The following MYH14 variants were observed in gnomAD, a reference collection of about 807,000 sequenced individuals.
The protein encoded by MYH14 is myosin heavy chain 14.
MYH14 carries 123 observed loss-of-function variants against 255.5 expected under a neutral mutation model. The ratio of observed to expected loss-of-function variants is 0.48; its 90% CI spans 0.42 to 0.56. MYH14 has a LOEUF of 0.56. Ranked by LOEUF, MYH14 falls within the 20% of genes least tolerant of loss-of-function variation. The probability of loss-of-function intolerance (pLI) is 0.00; values close to 1 mark genes in which losing one functional copy is unlikely to be tolerated. For synonymous variants in MYH14, 1,095 were observed against 1,161.2 expected, an observed-to-expected ratio of 0.94 and a Z score of 1.16; for missense variants, 2,423 against 2,802.3, an observed-to-expected ratio of 0.86 and a Z score of 3.06.
chr19:50,300,641 C>G (rs1055019342), intron 39 of MYH14, among the ~76,000 whole-genome samples: 2 of 140,576 alleles, frequency 1.4e-5, no homozygotes, highest in Admixed American at 7.7e-5. Context: ...TCCAGCTACT[C>G]AAGAGGCTGA....
intron 10 of MYH14, among the ~76,000 whole-genome samples, chr19:50,242,066 G>A (rs948666544): frequency 6.6e-6 from 1 of 152,194 alleles, no homozygotes; most frequent in Non-Finnish European, 1.5e-5. Flanking sequence ...GGACGCAAAT[G>A]TCCAGGGGGC....
intron 3 of MYH14, among the ~76,000 whole-genome samples, chr19:50,218,712 G>A (rs4802669): frequency 0.24 from 36,422 of 151,796 alleles, 5,068 homozygotes; most frequent in South Asian, 0.39. Flanking sequence ...ACTTGCCATC[G>A]GAGCAGTGTA....
intron 27 of MYH14, among the ~76,000 whole-genome samples, chr19:50,274,152 G>A (rs1486276488): frequency 1.3e-5 from 2 of 152,130 alleles, no homozygotes; most frequent in African/African-American, 4.8e-5. Flanking sequence ...GGATGTTTCT[G>A]TTACTACTTT....
chr19:50,293,632 A>G lies in MYH14; in HGVS notation c.5414A>G (p.Glu1805Gly). 1 of 1,612,552 alleles carries G rather than the reference A, an allele frequency of 6.2e-7. No individual in the cohort carries two copies. Among genetic ancestry groups the G allele is most frequent in the Non-Finnish European group, 8.5e-7 (1 of 1,179,254 alleles). The change falls in exon 39 of 43, where the codon GAG becomes GGG. Residue 1805 changes from glutamate (E) to glycine (G), a missense_variant. Physicochemically the swap from Glu to Gly is moderately conservative, Grantham distance 98 (BLOSUM62 -2). Transcript: ENST00000642316. The surrounding 1 kb of genome is among the most constrained non-coding windows in gnomAD (Gnocchi z 4.1). ...GGGCAGTTGGAGGAAGAGCTGGAGG[A>G]GGAGCAGAGCAACTCGGAGCTGCTC... The part of the protein sequence containing the change: ...RLGQLEEELE[E>G]EQSNSELLND...
chr19:50,225,314 A>C (rs1022030846), intron 6 of MYH14, among the ~76,000 whole-genome samples: 5 of 152,184 alleles, frequency 3.3e-5, no homozygotes, highest in Non-Finnish European at 7.3e-5. Flanking sequence ...TAATGGGATA[A>C]CATTGTAGAC....
chr19:50,280,255 G>A lies in MYH14; in HGVS notation c.4162G>A (p.Ala1388Thr). Residue 1388 changes from alanine (A) to threonine (T), a missense_variant, in exon 32 of 43, where the codon GCG becomes ACG. Coordinates refer to ENST00000642316, the MANE Select transcript of MYH14 (RefSeq NM_001145809.2). The surrounding 1 kb of genome is among the most constrained non-coding windows in gnomAD (Gnocchi z 4.8). ...AQELLQEETRAKLALGSRVRA... is the reference protein window; with the variant it reads ...AQELLQEETRTKLALGSRVRA... ...GGAGCTGCTGCAGGAGGAGACCAGG[G>A]CGAAATTGGCCTTGGGGTCCCGGGT... 1.3e-6 allele frequency: 2 copies of A among 1,551,752 alleles called. No homozygotes were observed. Among genetic ancestry groups the A allele is most frequent in the Admixed American group, 2.0e-5 (1 of 50,996 alleles).
chr19:50,268,644 G>A (rs1413820945), intron 24 of MYH14, among the ~76,000 whole-genome samples: 1 of 152,192 alleles, frequency 6.6e-6, no homozygotes, highest in Non-Finnish European at 1.5e-5. Flanking sequence ...CTTCAGGCAT[G>A]GCTGGATGCA....
At chr19:50,224,335 G>A (rs1418817605) in intron 6 of MYH14, among the ~76,000 whole-genome samples, 158 bp downstream of exon 6, 2 of 152,200 alleles carry the variant, frequency 1.3e-5, no homozygotes, top group African/African-American at 2.4e-5. Context: ...GCCCTGCTGT[G>A]TGAGTGTGTG....
chr19:50,281,502 A>G, intron 32 of MYH14, 92 bp from the exon 33 acceptor site: 1 of 1,502,186 alleles, frequency 6.7e-7, no homozygotes, highest in Non-Finnish European at 8.9e-7. Flanking sequence ...TTCAGGCCTC[A>G]GTCTCTTCAT....
intron 23 of MYH14, 53 bp downstream of exon 23, chr19:50,267,061 C>A: frequency 1.3e-6 from 2 of 1,481,678 alleles, no homozygotes; most frequent in South Asian, 2.5e-5. Flanking sequence ...GGGGCTGTGT[C>A]GCATGGGTGG....
Position 50,309,007 on chromosome 19 carries a change from G to A in MYH14, c.5790G>A (p.Leu1930=). The A allele has an allele frequency of 6.2e-7, 1 of 1,610,796 alleles. No homozygotes were observed. The highest frequency in any genetic ancestry group is 8.5e-7 in the Non-Finnish European group (1 of 1,178,252). ...CCAGTCCCCCTGCTTCCATCAAGCT[G>A]GAGAAGGGAAACCTTCGAGTCAAGC... ...RRVADQLRDQ[L]EKGNLRVKQL... The change falls in exon 42 of 43, where the codon CTG becomes CTA. Residue 1930 remains leucine, a splice_region_variant and synonymous_variant. Transcript: ENST00000642316.
chr19:50,208,401 C>T (rs1158784195), intron 1 of MYH14, among the ~76,000 whole-genome samples: 2 of 150,958 alleles, frequency 1.3e-5, no homozygotes, highest in African/African-American at 4.9e-5. Context: ...GGTGACAGAG[C>T]AAGACTCTGT....
chr19:50,258,417 C>T (rs35919686), intron 18 of MYH14: 82,816 of 151,756 alleles, frequency 0.55, 23,039 homozygotes, highest in East Asian at 0.69. Context: ...GCCATTTGTG[C>T]ATTACTGTTG....
chr19:50,292,069 C>T (rs928494319), intron 36 of MYH14, among the ~76,000 whole-genome samples, 192 bp from the exon 37 acceptor site: 5 of 152,130 alleles, frequency 3.3e-5, no homozygotes, highest in East Asian at 1.9e-4. Flanking sequence ...CCTTGAGGAC[C>T]AGAGTGGGAG....
At chr19:50,259,650 A>G (rs2034748131) in intron 19 of MYH14, among the ~76,000 whole-genome samples, 1 of 151,860 alleles carries the variant, frequency 6.6e-6, no homozygotes, top group African/African-American at 2.4e-5. Context: ...AGGCCGAGGC[A>G]GACAGATCAC....
rs145003349 is a variant in MYH14, at chr19:50,212,014, C to T, written c.405+1244C>T. 2.2e-4 allele frequency among the ~76,000 whole-genome samples: 33 copies of T among 152,070 alleles called. No individual in the cohort carries two copies. The East Asian group carries it at 5.6e-3, about 26-fold the overall frequency. ...AACAAAACGAAACAATACAAAAACC[C>T]ATTGAGAAGAGATTGATGATACTTA... On this transcript the variant is annotated intron_variant, in intron 2 of 42. Transcript: ENST00000642316.
At chr19:50,215,121 A>C (rs1244886637) in intron 2 of MYH14, among the ~76,000 whole-genome samples, 3 of 152,064 alleles carry the variant, frequency 2.0e-5, no homozygotes, top group African/African-American at 7.2e-5. Context: ...GGGGTGCACC[A>C]GCCTTTGTTC....
At chr19:50,256,924 C>CA (rs1410485827) in intron 17 of MYH14, among the ~76,000 whole-genome samples, 2 of 152,200 alleles carry the variant, frequency 1.3e-5, no homozygotes, top group African/African-American at 4.8e-5. Flanking sequence ...TTGCTTTGAG[C>CA]AATGCCTGCC....
chr19:50,225,864 G>T, intron 7 of MYH14, among the ~76,000 whole-genome samples, 187 bp downstream of exon 7: 1 of 135,490 alleles, frequency 7.4e-6, no homozygotes, highest in African/African-American at 2.8e-5. Flanking sequence ...GAGGGGCTGG[G>T]GGCCTGGACT....
Sources: gnomAD v4.1 joint callset for allele counts (sites outside exome capture counted in the v4.1 genomes callset) on GRCh38, gnomAD v4.1.1 for gene constraint, Gnocchi (gnomAD v3.1) non-coding constraint, MANE v1.5 for transcripts, NCBI Gene and HGNC (gene_info 2026-07-23, HGNC 2026-07-21) for gene names.